The following FAP variants were observed in gnomAD, a reference collection of about 807,000 sequenced individuals.
The protein encoded by FAP is prolyl endopeptidase FAP.
FAP carries 110 observed loss-of-function variants against 126.5 expected under a neutral mutation model. That is an observed-to-expected ratio of 0.87 (90% CI 0.74 to 1.02). The LOEUF (loss-of-function observed/expected upper bound fraction) is 1.02. Among genes scored for constraint, FAP ranks in the 50% least tolerant of loss-of-function variants. The probability of loss-of-function intolerance (pLI) is 0.00; values close to 1 mark genes in which losing one functional copy is unlikely to be tolerated. For synonymous variants in FAP, 334 were observed against 297.3 expected, an observed-to-expected ratio of 1.12 and a Z score of -1.27; for missense variants, 919 against 909.2, an observed-to-expected ratio of 1.01 and a Z score of -0.14.
chr2:162,219,138 C>T lies in FAP; in HGVS notation c.532G>A (p.Asp178Asn). 6.2e-7 allele frequency: 1 copy of T among 1,607,330 alleles called. No homozygotes were observed. The highest frequency in any genetic ancestry group is 1.1e-5 in the South Asian group (1 of 90,752). Residue 178 changes from aspartate (D) to asparagine (N), a missense_variant, in exon 8 of 26, where the codon GAT (aspartate) becomes AAT (asparagine). Coordinates refer to ENST00000188790, the MANE Select transcript of FAP (RefSeq NM_004460.5). ...NNIYLKQRPG[D>N]PPFQITFNGR... ...TTAAATGTTATTTGAAAAGGTGGAT[C>T]TCCTGGTCTTTGTTTCAAATAGATA... is the stretch of plus-strand genomic sequence containing the variant.
At chr2:162,187,020 T>C (rs1687885634) in intron 20 of FAP, among the ~76,000 whole-genome samples, 1 of 152,140 alleles carries the variant, frequency 6.6e-6, no homozygotes, top group Non-Finnish European at 1.5e-5. Context: ...TAATTTGTCG[T>C]ATTGTACTCA....
intron 20 of FAP, among the ~76,000 whole-genome samples, chr2:162,186,537 A>G (rs978034602): frequency 1.3e-5 from 2 of 152,106 alleles, no homozygotes; most frequent in African/African-American, 4.8e-5. Context: ...ATAAACCCAT[A>G]AAAGTATAAT....
chr2:162,183,704 A>G (rs551912493), intron 20 of FAP: 1 of 411,176 alleles, frequency 2.4e-6, no homozygotes, highest in Non-Finnish European at 4.4e-6. Context: ...GTAATGTCAG[A>G]GCGGTATAAG....
At chr2:162,207,714 A>ACTT (rs1553688382) in intron 12 of FAP, among the ~76,000 whole-genome samples, 1 of 141,746 alleles carries the variant, frequency 7.1e-6, no homozygotes, top group African/African-American at 2.6e-5. Context: ...CACTGAGGGC[A>ACTT]TTTTTTTTTT....
chr2:162,228,626 A>G (rs931286201), intron 2 of FAP, among the ~76,000 whole-genome samples: 2 of 152,100 alleles, frequency 1.3e-5, no homozygotes, highest in African/African-American at 4.8e-5. Flanking sequence ...TTTTTAAATA[A>G]TTATCTTTCT....
chr2:162,231,015 G>C (rs1402368558), intron 2 of FAP, among the ~76,000 whole-genome samples: 1 of 152,070 alleles, frequency 6.6e-6, no homozygotes, highest in African/African-American at 2.4e-5. Flanking sequence ...AATGTAAATG[G>C]CCTCCTTTAA....
intron 25 of FAP, 150 bp downstream of exon 25, chr2:162,172,661 C>T (rs886981264): frequency 3.4e-6 from 2 of 592,258 alleles, no homozygotes; most frequent in Admixed American, 2.8e-5. Context: ...AAAGAAAGAT[C>T]CAAGATTCAT....
intron 2 of FAP, among the ~76,000 whole-genome samples, chr2:162,236,617 TG>T (rs567805407): frequency 1.3e-5 from 2 of 151,924 alleles, no homozygotes; most frequent in Non-Finnish European, 2.9e-5. Context: ...TTGTTTTTGG[TG>T]GGGGGGCAGG....
At chr2:162,221,131 TG>T (rs936125995) in intron 6 of FAP, among the ~76,000 whole-genome samples, 13 of 151,992 alleles carry the variant, frequency 8.6e-5, no homozygotes, top group African/African-American at 3.1e-4. Flanking sequence ...GTGATTCCCA[TG>T]GAAAGTGACC....
rs1034363001 is a variant in FAP, at chr2:162,225,466, T to A, written c.285+17A>T. ...GGGCAAAGGTTTCTGAGGGGGAAGA[T>A]GATGTTGGATACATACCATGGTTCT... On this transcript the variant is annotated intron_variant, in intron 4 of 25. Coordinates refer to ENST00000188790, the MANE Select transcript of FAP (RefSeq NM_004460.5). 1.9e-6 allele frequency: 3 copies of A among 1,590,166 alleles called. No individual in the cohort carries two copies. Among genetic ancestry groups the A allele is most frequent in the African/African-American group, 2.7e-5 (2 of 73,682 alleles).
At chr2:162,208,264 A>C (rs937835887) in intron 12 of FAP, among the ~76,000 whole-genome samples, 5 of 152,000 alleles carry the variant, frequency 3.3e-5, no homozygotes, top group Non-Finnish European at 5.9e-5. Context: ...TAAAAAAAAA[A>C]AAAAGGTCTA....
chr2:162,174,882 T>C lies in FAP; in HGVS notation c.1954A>G (p.Ser652Gly), dbSNP rs776444547. 10 of 1,611,050 alleles carry C rather than the reference T, an allele frequency of 6.2e-6. No homozygotes were observed. In the South Asian group the frequency reaches 9.9e-5, roughly 16 times the overall value. The change falls in exon 22 of 26, where the codon AGC becomes GGC. Residue 652 changes from serine to glycine, a missense_variant. Coordinates refer to ENST00000188790, the MANE Select transcript of FAP (RefSeq NM_004460.5). The part of the protein sequence containing the change: ...KCGIAVAPVS[S>G]WEYYASVYTE... Reference sequence around the variant, plus strand: ...GTTTCCATACCGTAATATTCCCAGCTGGAGACTGGAGCCACTGCTATACCA... The same window carrying C: ...GTTTCCATACCGTAATATTCCCAGCCGGAGACTGGAGCCACTGCTATACCA...
chr2:162,217,907 T>A lies in FAP; in HGVS notation c.762+79A>T, dbSNP rs1198859171. On this transcript the variant is annotated intron_variant, in intron 9 of 25. Coordinates refer to ENST00000188790, the MANE Select transcript of FAP (RefSeq NM_004460.5). Reference sequence around the variant, plus strand: ...ATAAGAAGCTCTCCAAACTTGTTGATCCCACCTTTACTCATGGTAAATCAT... The same window carrying A: ...ATAAGAAGCTCTCCAAACTTGTTGAACCCACCTTTACTCATGGTAAATCAT... 7.9e-6 allele frequency: 9 copies of A among 1,143,124 alleles called. No individual in the cohort carries two copies. The African/African-American group carries it at 1.1e-4, about 14-fold the overall frequency. The allele number at this position is 1,143,124 out of a possible 1,614,324, so 70.8% of individuals were successfully genotyped here. A position where few individuals can be genotyped will look rare whatever the true frequency, so the allele number is the denominator to read the frequency against.
chr2:162,199,737 G>A (rs932746960), intron 15 of FAP, among the ~76,000 whole-genome samples: 2 of 152,258 alleles, frequency 1.3e-5, no homozygotes, highest in African/African-American at 4.8e-5. Context: ...CCAGGCCAGA[G>A]ACACTGCTGG....
At chr2:162,228,599 T>C (rs1393363744) in intron 2 of FAP, among the ~76,000 whole-genome samples, 2 of 152,176 alleles carry the variant, frequency 1.3e-5, no homozygotes, top group Non-Finnish European at 2.9e-5. Flanking sequence ...GAATACTTAA[T>C]AGAATTGTTA....
At chr2:162,219,619 G>C (rs1315802841) in intron 7 of FAP, among the ~76,000 whole-genome samples, 1 of 152,140 alleles carries the variant, frequency 6.6e-6, no homozygotes, top group Admixed American at 6.5e-5. Context: ...TTCTGGCTGA[G>C]TATAAGGATA....
At chr2:162,172,728 AG>A in intron 25 of FAP, 82 bp downstream of exon 25, 1 of 879,312 alleles carries the variant, frequency 1.1e-6, no homozygotes, top group Non-Finnish European at 1.8e-6. Flanking sequence ...TTACTTTAAA[AG>A]TTAAAAAAAA....
intron 16 of FAP, among the ~76,000 whole-genome samples, chr2:162,195,968 T>C (rs1688239277): frequency 6.6e-6 from 1 of 152,128 alleles, no homozygotes; most frequent in Non-Finnish European, 1.5e-5. Context: ...TTTGTAGAGT[T>C]CTGAGAAGAC....
At chr2:162,201,088 G>C (rs766077822) in intron 14 of FAP, among the ~76,000 whole-genome samples, 7 of 152,158 alleles carry the variant, frequency 4.6e-5, no homozygotes, top group Non-Finnish European at 1.0e-4. Flanking sequence ...AATTTAGCCA[G>C]ATGCAAAAGA....
Sources: gnomAD v4.1 joint callset for allele counts (sites outside exome capture counted in the v4.1 genomes callset) on GRCh38, gnomAD v4.1.1 for gene constraint, MANE v1.5 for transcripts, NCBI Gene and HGNC (gene_info 2026-07-23, HGNC 2026-07-21) for gene names.